Variants in CREM observed in about 807,000 individuals in gnomAD.
CREM encodes the protein cAMP-responsive element modulator.
Under a neutral mutation model 37.3 loss-of-function variants are expected in CREM, and 13 were observed. That is an observed-to-expected ratio of 0.35 (90% CI 0.23 to 0.55). The LOEUF (loss-of-function observed/expected upper bound fraction) is 0.55. CREM is among the 20% of genes least tolerant of loss of function. The probability of loss-of-function intolerance (pLI) is 0.88; values close to 1 mark genes in which losing one functional copy is unlikely to be tolerated. For synonymous variants in CREM, 124 were observed against 120.2 expected, an observed-to-expected ratio of 1.03 and a Z score of -0.21; for missense variants, 296 against 362.3, an observed-to-expected ratio of 0.82 and a Z score of 1.49.
At chr10:35,165,073 AAAAAAGAAAAGG>A in intron 3 of CREM, among the ~76,000 whole-genome samples, 1 of 151,010 alleles carries the variant, frequency 6.6e-6, no homozygotes, top group Non-Finnish European at 1.5e-5. Context: ...AAAAAAAAAA[AAAAAAGAAAAGG>A]AAAAAGAAAT....
At chr10:35,194,900 A>ACAT (rs1208453721) in intron 6 of CREM, among the ~76,000 whole-genome samples, 2 of 138,632 alleles carry the variant, frequency 1.4e-5, no homozygotes, top group Non-Finnish European at 3.1e-5. Context: ...GCTAAAAGAG[A>ACAT]CATTATTATT....
At chr10:35,175,618 G>A in intron 3 of CREM, 1 of 1,562,584 alleles carries the variant, frequency 6.4e-7, no homozygotes, top group Non-Finnish European at 8.8e-7. Flanking sequence ...ACCGAAGTAT[G>A]GGCACCAAAA....
chr10:35,171,893 A>G (rs552343300), intron 3 of CREM, among the ~76,000 whole-genome samples: 42 of 152,342 alleles, frequency 2.8e-4, no homozygotes, highest in African/African-American at 1.0e-3. Flanking sequence ...CCACCCAGCT[A>G]TGTGACTGCA....
intron 3 of CREM, among the ~76,000 whole-genome samples, chr10:35,166,341 T>G (rs1008144414): frequency 1.3e-5 from 2 of 151,944 alleles, no homozygotes; most frequent in Non-Finnish European, 2.9e-5. Flanking sequence ...GGCGGGTAGA[T>G]TACCTGAGGC....
chr10:35,183,987 T>A (rs577855889), intron 5 of CREM, among the ~76,000 whole-genome samples: 1 of 152,318 alleles, frequency 6.6e-6, no homozygotes, highest in Non-Finnish European at 1.5e-5. Context: ...GGCAGGAGAA[T>A]CGCTTGAACC....
chr10:35,192,782 G>C (rs1322382601), intron 6 of CREM, among the ~76,000 whole-genome samples: 3 of 152,148 alleles, frequency 2.0e-5, no homozygotes, highest in Non-Finnish European at 4.4e-5. Context: ...GAAATTGGGT[G>C]GGGATACAAA....
At chr10:35,206,772 C>T (rs575994466) in intron 6 of CREM, 123 bp from the exon 7 acceptor site, 1 of 908,390 alleles carries the variant, frequency 1.1e-6, no homozygotes, top group Non-Finnish European at 1.8e-6. Context: ...GAATAATTAT[C>T]TTAAACATTA....
chr10:35,156,316 G>A (rs577932110), intron 3 of CREM, among the ~76,000 whole-genome samples: 5 of 151,562 alleles, frequency 3.3e-5, no homozygotes, highest in Non-Finnish European at 5.9e-5. Flanking sequence ...TGATATGATC[G>A]TGACTCACTG....
chr10:35,173,460 A>G (rs558839904), intron 3 of CREM, among the ~76,000 whole-genome samples: 3 of 152,338 alleles, frequency 2.0e-5, no homozygotes, highest in African/African-American at 7.2e-5. Context: ...AATAATTTGT[A>G]AAAATGTAAA....
chr10:35,148,235 A>G, intron 2 of CREM, 133 bp from the exon 3 acceptor site: 6 of 834,152 alleles, frequency 7.2e-6, no homozygotes, highest in Non-Finnish European at 1.1e-5. Flanking sequence ...TTGTGGCATC[A>G]TGTAAATGCT....
rs894356178 is a variant in CREM at position 35,127,045 on chromosome 10, C to A, written c.-203C>A. ...CAGGGAGGCCGCGGCTACCGCATCA[C>A]AGCTGACGTGAGGACTACGTGGGGC... On this transcript the variant is annotated 5_prime_UTR_variant, in exon 1 of 8. Transcript: ENST00000685392. 1.3e-5 allele frequency: 2 copies of A among 152,830 alleles called. No individual in the cohort carries two copies. The highest frequency in any genetic ancestry group is 4.8e-5 in the African/African-American group (2 of 41,450). The allele number at this position is 152,830 out of a possible 1,614,324, so 9.5% of individuals were successfully genotyped here.
At chr10:35,141,202 A>G (rs1486385088) in intron 2 of CREM, among the ~76,000 whole-genome samples, 1 of 152,218 alleles carries the variant, frequency 6.6e-6, no homozygotes, top group African/African-American at 2.4e-5. Flanking sequence ...TTGTTAATCA[A>G]AACTACCAGG....
chr10:35,201,627 T>C (rs1321691541), intron 6 of CREM: 4 of 1,140,324 alleles, frequency 3.5e-6, no homozygotes, highest in African/African-American at 1.6e-5. Context: ...CCATGAAATA[T>C]TTGATACTGA....
intron 3 of CREM, among the ~76,000 whole-genome samples, chr10:35,164,363 G>A (rs563866656): frequency 2.2e-4 from 34 of 152,276 alleles, no homozygotes; most frequent in African/African-American, 7.0e-4. Flanking sequence ...ATTGTATTCG[G>A]AATCCTTTGT....
chr10:35,158,817 GTTTGTTTT>G (rs2093102007), intron 3 of CREM, among the ~76,000 whole-genome samples: 4 of 65,036 alleles, frequency 6.2e-5, no homozygotes, highest in South Asian at 5.3e-4. Flanking sequence ...TTGTTGTTTT[GTTTGTTTT>G]TTTTTTTTTT....
At position 35,184,087 on chromosome 10, in the gene CREM, CAAAT is replaced by C. The variant is rs373059908; in HGVS notation, c.410-4102_410-4099del. Among the ~76,000 whole-genome samples, 70 of 152,082 alleles carry C rather than the reference CAAAT, an allele frequency of 4.6e-4. No individual in the cohort carries two copies. In the East Asian group the frequency reaches 0.012, roughly 25 times the overall value. ...GAAAGTCCATCTCAAAATAAATGAACAAATAAATAAATAAGAAGTGTATAACATC... is the reference window on the plus strand; with the variant it reads ...GAAAGTCCATCTCAAAATAAATGAACAAATAAATAAGAAGTGTATAACATC... On this transcript the variant is annotated intron_variant, in intron 5 of 7. Transcript: ENST00000685392.
chr10:35,195,891 C>T (rs2095137057), intron 6 of CREM: 1 of 635,854 alleles, frequency 1.6e-6, no homozygotes, highest in Non-Finnish European at 2.8e-6. Context: ...TAGTCAGTTC[C>T]TTTCCGCTTT....
chr10:35,166,658 G>T (rs1197003413), intron 3 of CREM, among the ~76,000 whole-genome samples: 1 of 152,120 alleles, frequency 6.6e-6, no homozygotes, highest in Admixed American at 6.5e-5. Context: ...GAGCCTGGAA[G>T]GTGGAGGTTG....
intron 6 of CREM, among the ~76,000 whole-genome samples, chr10:35,198,478 G>A (rs2134142466): frequency 6.7e-6 from 1 of 150,216 alleles, no homozygotes; most frequent in African/African-American, 2.5e-5. Context: ...AGCCAACATT[G>A]CACCACTGCA....
Sources: gnomAD v4.1 joint callset for allele counts (sites outside exome capture counted in the v4.1 genomes callset) on GRCh38, gnomAD v4.1.1 for gene constraint, MANE v1.5 for transcripts, NCBI Gene and HGNC (gene_info 2026-07-23, HGNC 2026-07-21) for gene names.